TTC28: variants seen among roughly 807,000 people sequenced by gnomAD.
TTC28 encodes tetratricopeptide repeat protein 28.
A neutral mutation model predicts 198.0 loss-of-function variants in TTC28; 61 were observed. That is an observed-to-expected ratio of 0.31 (90% CI 0.25 to 0.38). TTC28 has a LOEUF of 0.38. Among genes scored for constraint, TTC28 ranks in the 10% least tolerant of loss-of-function variants. TTC28 has a pLI of 1.00. For synonymous variants in TTC28, 1,171 were observed against 1,297.8 expected (o/e 0.90, Z 2.10); for missense variants, 2,678 against 3,164.0 (o/e 0.85, Z 3.69).
At chr22:28,258,902 A>AGTGTGTGTGTGTGTGTGT (rs34572491) in intron 5 of TTC28, among the ~76,000 whole-genome samples, 2 of 147,724 alleles carry the variant, frequency 1.4e-5, no homozygotes, top group Non-Finnish European at 3.0e-5. Context: ...TTGGTTAAAG[A>AGTGTGTGTGTGTGTGTGT]GTGTGTGTGT....
intron 2 of TTC28, among the ~76,000 whole-genome samples, chr22:28,385,192 C>T (rs2046558605): frequency 6.7e-6 from 1 of 150,300 alleles, no homozygotes; most frequent in African/African-American, 2.4e-5. Flanking sequence ...GCTGTCATTT[C>T]CAGCTATGTG....
At chr22:28,522,429 AG>A (rs935627793) in intron 2 of TTC28, among the ~76,000 whole-genome samples, 1 of 151,716 alleles carries the variant, frequency 6.6e-6, no homozygotes, top group African/African-American at 2.4e-5. Flanking sequence ...TGGAGGTTGC[AG>A]TGAGCCAAGA....
intron 3 of TTC28, among the ~76,000 whole-genome samples, chr22:28,299,224 T>C (rs2044964087): frequency 6.6e-6 from 1 of 151,570 alleles, no homozygotes; most frequent in Admixed American, 6.6e-5. Flanking sequence ...TCACATTAGT[T>C]ATTCCACTAT....
intron 5 of TTC28, among the ~76,000 whole-genome samples, chr22:28,287,000 A>G (rs1340379381): frequency 6.6e-6 from 1 of 152,190 alleles, no homozygotes; most frequent in Non-Finnish European, 1.5e-5. Context: ...GTTTTAGCAG[A>G]GGAAAGGAGA....
At chr22:28,660,770 C>T (rs756466821) in intron 1 of TTC28, among the ~76,000 whole-genome samples, 26 of 149,058 alleles carry the variant, frequency 1.7e-4, no homozygotes, top group Middle Eastern at 3.6e-3. Context: ...GTGATCCACC[C>T]ACGTTGGCTT....
In TTC28 at chr22:28,529,493, G is replaced by C. The variant is rs189493786; in HGVS notation, c.381+100059C>G. Among the ~76,000 whole-genome samples, 20 of 152,320 alleles carry C rather than the reference G, an allele frequency of 1.3e-4. No individual in the cohort carries two copies. In the East Asian group the frequency reaches 2.5e-3, roughly 19 times the overall value. ...CCACCTTTGAGGGCAGGGCATAGCT[G>C]AACAAAAGGCAGCAGAAACTTCTGC... is the stretch of plus-strand genomic sequence containing the variant. On this transcript the variant is annotated intron_variant, in intron 2 of 22. Transcript: ENST00000397906.
At chr22:28,300,457 A>T (rs1182997926) in intron 3 of TTC28, among the ~76,000 whole-genome samples, 2 of 152,240 alleles carry the variant, frequency 1.3e-5, no homozygotes, top group East Asian at 1.9e-4. Flanking sequence ...GATTCCCAAA[A>T]GAGAAAGAAA....
intron 2 of TTC28, among the ~76,000 whole-genome samples, chr22:28,451,960 A>C (rs1465938359): frequency 6.6e-6 from 1 of 152,160 alleles, no homozygotes; most frequent in Non-Finnish European, 1.5e-5. Flanking sequence ...GAAGTTATTA[A>C]CTTTCCCAAA....
At chr22:28,658,552 T>C (rs1483641775) in intron 1 of TTC28, among the ~76,000 whole-genome samples, 1 of 152,192 alleles carries the variant, frequency 6.6e-6, no homozygotes, top group East Asian at 1.9e-4. Context: ...AGGGATTTTA[T>C]TGTTTAGTGG....
intron 2 of TTC28, among the ~76,000 whole-genome samples, chr22:28,414,711 G>C (rs1412362157): frequency 6.6e-6 from 1 of 152,182 alleles, no homozygotes; most frequent in Non-Finnish European, 1.5e-5. Flanking sequence ...CCTGAGGGAA[G>C]AAAAGTGAAT....
intron 2 of TTC28, among the ~76,000 whole-genome samples, chr22:28,365,012 TGC>T (rs1420650867): frequency 2.6e-5 from 4 of 152,208 alleles, no homozygotes; most frequent in African/African-American, 9.6e-5. Context: ...CAGCATTGCA[TGC>T]TACAGAGAAA....
In TTC28 at chr22:28,203,929, G is replaced by A. The variant is rs549314805; in HGVS notation, c.934-40330C>T. ...ATTATGTTATTGTTATGTTAAAAAC[G>A]AAAACACAAAAAAGCAAAAGAAAAT... On this transcript the variant is annotated intron_variant, in intron 5 of 22. Transcript: ENST00000397906. 3.9e-5 allele frequency among the ~76,000 whole-genome samples: 6 copies of A among 152,134 alleles called. No homozygotes were observed. In the East Asian group the frequency reaches 7.7e-4, roughly 20 times the overall value.
chr22:28,156,277 G>A (rs563805504), intron 6 of TTC28, among the ~76,000 whole-genome samples: 2 of 152,308 alleles, frequency 1.3e-5, no homozygotes, highest in East Asian at 1.9e-4. Flanking sequence ...TTGGAGAAAC[G>A]CAAGTCAGGG....
chr22:28,263,397 C>G (rs1931459470), intron 5 of TTC28, among the ~76,000 whole-genome samples: 2 of 152,070 alleles, frequency 1.3e-5, no homozygotes, highest in Non-Finnish European at 1.5e-5. Context: ...TTACATACAA[C>G]AGCCCAAAAT....
At chr22:28,627,385 G>A (rs959022999) in intron 2 of TTC28, among the ~76,000 whole-genome samples, 6 of 151,536 alleles carry the variant, frequency 4.0e-5, no homozygotes, top group Non-Finnish European at 4.4e-5. Flanking sequence ...TTTATGCTTT[G>A]AAAATAGCAC....
chr22:28,483,362 G>C (rs2048278338), intron 2 of TTC28, among the ~76,000 whole-genome samples: 2 of 152,126 alleles, frequency 1.3e-5, no homozygotes, highest in Non-Finnish European at 2.9e-5. Flanking sequence ...TTTATATAGG[G>C]TGGTCAGGAA....
intron 2 of TTC28, among the ~76,000 whole-genome samples, chr22:28,335,818 A>G (rs1456773186): frequency 6.6e-6 from 1 of 152,152 alleles, no homozygotes; most frequent in African/African-American, 2.4e-5. Flanking sequence ...TTCCTAACTG[A>G]ATAACATTTA....
chr22:28,055,504 T>C lies in TTC28; in HGVS notation c.3933-25138A>G, dbSNP rs191156480. Among the ~76,000 whole-genome samples, 19 of 152,204 alleles carry C rather than the reference T, an allele frequency of 1.2e-4. No individual in the cohort carries two copies. In the East Asian group the frequency reaches 3.1e-3, roughly 25 times the overall value. ...GAAGGACATCGAAGATTTAGATGAA[T>C]AGAAGAAAAGAAGAAAAATAGACCT... On this transcript the variant is annotated intron_variant, in intron 12 of 22. Coordinates refer to ENST00000397906, the MANE Select transcript of TTC28 (RefSeq NM_001145418.2).
chr22:28,076,733 T>C (rs910177834), intron 12 of TTC28, among the ~76,000 whole-genome samples: 3 of 152,168 alleles, frequency 2.0e-5, no homozygotes, highest in Admixed American at 2.0e-4. Flanking sequence ...TGTGCCACCA[T>C]GTCACTGCTT....
Sources: allele counts gnomAD v4.1 joint callset (sites outside exome capture counted in the v4.1 genomes callset), GRCh38; gene constraint gnomAD v4.1.1; transcripts MANE v1.5; gene names NCBI Gene and HGNC (gene_info 2026-07-23, HGNC 2026-07-21).